NRCAM: variants seen among roughly 807,000 people sequenced by gnomAD.
NRCAM encodes neuronal cell adhesion molecule, also known as NgCAM-related cell adhesion molecule.
In NRCAM, 83 loss-of-function variants were observed where a neutral mutation model predicts 156.5. The observed-to-expected ratio is 0.53, with a 90% CI of 0.44 to 0.64. The LOEUF is 0.64. NRCAM is among the 30% of genes least tolerant of loss of function. The pLI is 0.00. For missense variants in NRCAM, 1,417 were observed against 1,597.3 expected (o/e 0.89, Z 1.92); for synonymous variants, 538 against 563.9 (o/e 0.95, Z 0.65).
intron 3 of NRCAM, among the ~76,000 whole-genome samples, chr7:108,254,566 T>TTTTTTTTG (rs2096537961): frequency 1.3e-5 from 2 of 151,206 alleles, no homozygotes; most frequent in South Asian, 2.1e-4. Context: ...TTTTTTTTTT[T>TTTTTTTTG]GAGATGGAAC....
At chr7:108,257,719 C>A (rs1297918311) in intron 3 of NRCAM, among the ~76,000 whole-genome samples, 1 of 152,122 alleles carries the variant, frequency 6.6e-6, no homozygotes, top group East Asian at 1.9e-4. Context: ...GGGTTCGTGA[C>A]AATTTTCAGG....
chr7:108,343,345 A>G (rs956015327), intron 2 of NRCAM, among the ~76,000 whole-genome samples: 1 of 152,216 alleles, frequency 6.6e-6, no homozygotes, highest in Non-Finnish European at 1.5e-5. Flanking sequence ...GGGAACACCT[A>G]TCAAACATCA....
At chr7:108,238,331 G>A (rs985662563) in intron 4 of NRCAM, among the ~76,000 whole-genome samples, 2 of 152,134 alleles carry the variant, frequency 1.3e-5, no homozygotes, top group Admixed American at 6.6e-5. Flanking sequence ...GCAGATTTCT[G>A]CTTCATAATT....
chr7:108,211,271 G>A (rs1461308915), intron 11 of NRCAM, among the ~76,000 whole-genome samples: 1 of 152,120 alleles, frequency 6.6e-6, no homozygotes, highest in African/African-American at 2.4e-5. Flanking sequence ...ATTCCTGCCT[G>A]GCACCACAGA....
At chr7:108,163,136 G>C (rs1025842708) in intron 30 of NRCAM, among the ~76,000 whole-genome samples, 2 of 152,102 alleles carry the variant, frequency 1.3e-5, no homozygotes, top group African/African-American at 4.8e-5. Flanking sequence ...CGGAGTAAAA[G>C]AGAATCTTCA....
intron 1 of NRCAM, among the ~76,000 whole-genome samples, chr7:108,419,143 G>A (rs1477640367): frequency 6.6e-6 from 1 of 152,110 alleles, no homozygotes; most frequent in Non-Finnish European, 1.5e-5. Flanking sequence ...TAAGTAAAAG[G>A]AGTGCCCTCA....
At chr7:108,156,382 C>T (rs1334181851) in intron 32 of NRCAM, 3 of 984,000 alleles carry the variant, frequency 3.0e-6, no homozygotes, top group Non-Finnish European at 2.4e-6. Context: ...TAAAAAAATA[C>T]TTACACTCTT....
chr7:108,422,178 G>C (rs1810866920), intron 1 of NRCAM, among the ~76,000 whole-genome samples: 1 of 152,076 alleles, frequency 6.6e-6, no homozygotes, highest in Non-Finnish European at 1.5e-5. Context: ...CAGCCTTCAA[G>C]CTCTATGTTC....
At chr7:108,175,403 A>AAC in intron 27 of NRCAM, 46 bp from the exon 28 acceptor site, 1 of 1,478,826 alleles carries the variant, frequency 6.8e-7, no homozygotes, top group Non-Finnish European at 9.2e-7. Context: ...AGTTAGATGT[A>AAC]ACACACCCAT....
intron 32 of NRCAM, among the ~76,000 whole-genome samples, chr7:108,154,667 CT>C (rs2043879886): frequency 6.6e-6 from 1 of 152,112 alleles, no homozygotes; most frequent in Admixed American, 6.6e-5. Flanking sequence ...GAAGACCAGT[CT>C]TTAATAAGTG....
At position 108,264,141 on chromosome 7, in the gene NRCAM, C is replaced by A. The variant is rs1326011475; in HGVS notation, c.-106-23971G>T. Among the ~76,000 whole-genome samples the A allele has an allele frequency of 3.0e-5, 4 of 131,950 alleles. No individual in the cohort carries two copies. In the East Asian group the frequency reaches 6.8e-4, roughly 23 times the overall value. 86.6% of individuals were successfully genotyped at this position (131,950 alleles called of 152,430 possible). A position where few individuals can be genotyped will look rare whatever the true frequency, so the allele number is the denominator to read the frequency against. On this transcript the variant is annotated intron_variant, in intron 3 of 32. Coordinates refer to ENST00000379028, the MANE Select transcript of NRCAM (RefSeq NM_001037132.4). ...TACAGGTGCGTGCCACCACACCCAGCTAATTTTTGTATTTTTAGTAGAGAT... is the reference window on the plus strand; with the variant it reads ...TACAGGTGCGTGCCACCACACCCAGATAATTTTTGTATTTTTAGTAGAGAT...
At chr7:108,153,920 G>A (rs11983767) in intron 32 of NRCAM, among the ~76,000 whole-genome samples, 5,641 of 152,132 alleles carry the variant, frequency 0.037, 341 homozygotes, top group African/African-American at 0.13. Flanking sequence ...TATTAAAGAA[G>A]ATCTGAATGA....
chr7:108,338,072 C>A (rs996419191), intron 2 of NRCAM, among the ~76,000 whole-genome samples: 9 of 152,216 alleles, frequency 5.9e-5, no homozygotes, highest in Non-Finnish European at 1.3e-4. Flanking sequence ...CTGGAGCCAG[C>A]TTCCACTTTC....
intron 3 of NRCAM, among the ~76,000 whole-genome samples, chr7:108,273,475 G>A (rs1300473856): frequency 6.6e-6 from 1 of 152,182 alleles, no homozygotes; most frequent in Non-Finnish European, 1.5e-5. Flanking sequence ...TTGTGGTTTT[G>A]ATTTGCATTT....
intron 1 of NRCAM, among the ~76,000 whole-genome samples, chr7:108,418,130 G>A (rs2057981): frequency 0.78 from 118,273 of 151,972 alleles, 47,821 homozygotes; most frequent in East Asian, 0.95. Context: ...ACCAGGAGCC[G>A]TGTGGTCACT....
intron 3 of NRCAM, among the ~76,000 whole-genome samples, chr7:108,284,566 C>G (rs1046086731): frequency 6.6e-6 from 1 of 152,136 alleles, no homozygotes; most frequent in African/African-American, 2.4e-5. Context: ...TATGATTTGA[C>G]ACTTGCTCAC....
At chr7:108,312,454 C>G (rs558694430) in intron 3 of NRCAM, among the ~76,000 whole-genome samples, 9 of 152,154 alleles carry the variant, frequency 5.9e-5, no homozygotes, top group African/African-American at 2.2e-4. Flanking sequence ...GACATGAGGG[C>G]TGGTTTACTT....
rs766989890 is a variant in NRCAM, at chr7:108,231,152, T to A, written c.429A>T (p.Arg143Ser). The change falls in exon 8 of 33, where the codon AGA (arginine) becomes AGT (serine). Residue 143 changes from arginine to serine, a missense_variant and splice_region_variant. By Grantham distance (110) the Arg-to-Ser change is moderately radical. This residue lies in a region of NRCAM where 1,238 missense variants were observed against 1,336.4 expected (regional missense o/e 0.93). Transcript: ENST00000379028. ...GTTTTTCTTTGGTCCACAATGGTGA[T>A]CCTATTAAATAAAAAAATAACTTCT... ...VSNNIVVRPS[R>S]SPLWTKEKLE... The A allele has an allele frequency of 1.2e-5, 19 of 1,573,238 alleles. No homozygotes were observed. The highest frequency in any genetic ancestry group is 1.5e-5 in the Non-Finnish European group (18 of 1,167,262).
At chr7:108,239,676 A>G (rs944045672) in intron 4 of NRCAM, among the ~76,000 whole-genome samples, 7 of 152,160 alleles carry the variant, frequency 4.6e-5, no homozygotes, top group African/African-American at 1.7e-4. Context: ...CAGCTTGCAC[A>G]ACTCAATCCT....
Sources: allele counts gnomAD v4.1 joint callset (sites outside exome capture counted in the v4.1 genomes callset), GRCh38; gene constraint gnomAD v4.1.1; regional missense constraint gnomAD v4.1.1; transcripts MANE v1.5; gene names NCBI Gene and HGNC (gene_info 2026-07-23, HGNC 2026-07-21).